The following KLF12 variants were observed in gnomAD, a reference collection of about 807,000 sequenced individuals.
KLF12 encodes the protein Krueppel-like factor 12.
KLF12 carries 9 observed loss-of-function variants against 37.8 expected under a neutral mutation model. That is an observed-to-expected ratio of 0.24 (90% CI 0.14 to 0.42). The LOEUF is 0.42. Among genes scored for constraint, KLF12 ranks in the 10% least tolerant of loss-of-function variants. The pLI is 1.00. For missense variants in KLF12, 411 were observed against 516.0 expected, an observed-to-expected ratio of 0.80 and a Z score of 1.97; for synonymous variants, 208 against 202.1, an observed-to-expected ratio of 1.03 and a Z score of -0.25.
the KLF12 span, among the ~76,000 whole-genome samples, chr13:74,242,490 C>T: frequency 6.6e-6 from 1 of 152,296 alleles, no homozygotes; most frequent in African/African-American, 2.4e-5. Context: ...ATGTGGGAAA[C>T]TATTCCCATG....
At chr13:73,851,532 C>T (rs532933479) in intron 3 of KLF12, among the ~76,000 whole-genome samples, 1 of 152,248 alleles carries the variant, frequency 6.6e-6, no homozygotes, top group African/African-American at 2.4e-5. Context: ...TTTCTTAATT[C>T]CACAGTATAA....
chr13:73,937,068 T>C (rs927909510), intron 3 of KLF12, among the ~76,000 whole-genome samples: 6 of 152,082 alleles, frequency 3.9e-5, no homozygotes, highest in Non-Finnish European at 5.9e-5. Context: ...CATGTACTTA[T>C]AATCCCAGTT....
intron 6 of KLF12, among the ~76,000 whole-genome samples, chr13:73,720,287 T>A (rs1876141260): frequency 6.6e-6 from 1 of 152,180 alleles, no homozygotes; most frequent in African/African-American, 2.4e-5. Flanking sequence ...ACATGCCCTT[T>A]GTTCAGAAGG....
At chr13:74,188,217 C>G in the KLF12 span, among the ~76,000 whole-genome samples, 7 of 152,234 alleles carry the variant, frequency 4.6e-5, no homozygotes, top group East Asian at 1.4e-3. Context: ...TTAGTGTATT[C>G]TATCCATGCC....
At chr13:74,167,607 G>A in the KLF12 span, among the ~76,000 whole-genome samples, 39 of 152,320 alleles carry the variant, frequency 2.6e-4, no homozygotes, top group Non-Finnish European at 4.6e-4. Flanking sequence ...ATTTGGTACT[G>A]AAATGAATCT....
At chr13:73,860,925 G>T (rs1487347133) in intron 3 of KLF12, among the ~76,000 whole-genome samples, 1 of 152,138 alleles carries the variant, frequency 6.6e-6, no homozygotes, top group Non-Finnish European at 1.5e-5. Context: ...TGTATTACAA[G>T]ATGATTTTTA....
chr13:73,982,037 ATT>A, intron 2 of KLF12, among the ~76,000 whole-genome samples: 1 of 144,834 alleles, frequency 6.9e-6, no homozygotes, highest in East Asian at 2.1e-4. Context: ...ATACATATAT[ATT>A]CTTTTTTATC....
At chr13:74,071,367 A>C (rs960979886) in intron 1 of KLF12, among the ~76,000 whole-genome samples, 4 of 152,130 alleles carry the variant, frequency 2.6e-5, no homozygotes, top group Admixed American at 6.5e-5. Flanking sequence ...CAAGACTAAA[A>C]TTTTTTAAAA....
At chr13:74,106,463 T>C (rs997194741) in intron 1 of KLF12, among the ~76,000 whole-genome samples, 3 of 152,198 alleles carry the variant, frequency 2.0e-5, no homozygotes, top group African/African-American at 7.2e-5. Flanking sequence ...GTAACTGAAT[T>C]CCCACTTCTT....
At chr13:73,859,419 T>C (rs1175583151) in intron 3 of KLF12, among the ~76,000 whole-genome samples, 3 of 152,308 alleles carry the variant, frequency 2.0e-5, no homozygotes, top group Middle Eastern at 3.4e-3. Flanking sequence ...CACCTCCCCA[T>C]GCTGCCTGCA....
intron 3 of KLF12, among the ~76,000 whole-genome samples, chr13:73,943,381 T>TA (rs1890277269): frequency 6.6e-6 from 1 of 152,172 alleles, no homozygotes; most frequent in South Asian, 2.1e-4. Flanking sequence ...TCTATGTCAT[T>TA]AAAAAAATAT....
At chr13:74,000,810 T>G (rs1892260525) in intron 1 of KLF12, among the ~76,000 whole-genome samples, 1 of 152,204 alleles carries the variant, frequency 6.6e-6, no homozygotes, top group Non-Finnish European at 1.5e-5. Context: ...CAAATAAGTC[T>G]TTAAAAGAAA....
intron 4 of KLF12, among the ~76,000 whole-genome samples, chr13:73,825,496 ACTGGG>A (rs1883787670): frequency 6.6e-6 from 1 of 152,148 alleles, no homozygotes; most frequent in Non-Finnish European, 1.5e-5. Context: ...CCAACTTTAA[ACTGGG>A]CTTACACTAA....
At position 74,083,493 on chromosome 13, in the gene KLF12, GACACACACACACAC is replaced by G. The variant is rs61312097; in HGVS notation, c.-32+50232_-32+50245del. Among the ~76,000 whole-genome samples the G allele has an allele frequency of 4.5e-4, 62 of 136,518 alleles. 1 individual carries two copies. Among genetic ancestry groups the G allele is most frequent in the South Asian group, 7.4e-4 (3 of 4,058 alleles). The allele number at this position is 136,518 out of a possible 152,430, so 89.6% of individuals were successfully genotyped here. A position where few individuals can be genotyped will look rare whatever the true frequency, so the allele number is the denominator to read the frequency against. On this transcript the variant is annotated intron_variant, in intron 1 of 7. Coordinates refer to ENST00000377669, the MANE Select transcript of KLF12 (RefSeq NM_007249.5). ...TTGCACTCCAGCCTGGGCGATAGGA[GACACACACACACAC>G]ACACACACACACACACACACACACA...
the KLF12 span, among the ~76,000 whole-genome samples, chr13:74,221,032 C>G: frequency 6.8e-5 from 10 of 146,276 alleles, no homozygotes; most frequent in African/African-American, 2.5e-4. Flanking sequence ...GAGACAGAGT[C>G]TGGCTCTGTC....
At chr13:73,783,117 G>A (rs1031184370) in intron 5 of KLF12, among the ~76,000 whole-genome samples, 2 of 152,102 alleles carry the variant, frequency 1.3e-5, no homozygotes, top group African/African-American at 4.8e-5. Context: ...CCAATATAAG[G>A]GTTGAAGGGC....
intron 4 of KLF12, among the ~76,000 whole-genome samples, chr13:73,820,159 G>A (rs111965387): frequency 0.023 from 3,516 of 152,244 alleles, 85 homozygotes; most frequent in Non-Finnish European, 0.037. Context: ...TCTGCCTGGA[G>A]CATAGTGGGG....
intron 2 of KLF12, among the ~76,000 whole-genome samples, chr13:73,967,013 C>T (rs993925109): frequency 3.3e-5 from 5 of 152,128 alleles, no homozygotes; most frequent in Admixed American, 6.5e-5. Flanking sequence ...CCAGGATATG[C>T]GTAAGGACAA....
At position 73,688,486 on chromosome 13, in the gene KLF12, C is replaced by G. The variant is rs187117987; in HGVS notation, c.*7004G>C. ...GTGAAAATTTCAAATGCATCTGAAG[C>G]AGATTCTAGAATGTCTATATTGGTG... On this transcript the variant is annotated 3_prime_UTR_variant, in exon 8 of 8. Coordinates refer to ENST00000377669, the MANE Select transcript of KLF12 (RefSeq NM_007249.5). The G allele has an allele frequency of 6.6e-6, 1 of 152,204 alleles. No individual in the cohort carries two copies. The highest frequency in any genetic ancestry group is 1.9e-4 in the East Asian group (1 of 5,172). 9.4% of individuals were successfully genotyped at this position (152,204 alleles called of 1,614,324 possible).
Sources: gnomAD v4.1 joint callset for allele counts (sites outside exome capture counted in the v4.1 genomes callset) on GRCh38, gnomAD v4.1.1 for gene constraint, MANE v1.5 for transcripts, NCBI Gene and HGNC (gene_info 2026-07-23, HGNC 2026-07-21) for gene names.